The following KCNIP4 variants were observed in gnomAD, a reference collection of about 807,000 sequenced individuals.
KCNIP4 encodes the protein potassium voltage-gated channel interacting protein 4.
KCNIP4 carries 12 observed loss-of-function variants against 34.0 expected under a neutral mutation model. That is an observed-to-expected ratio of 0.35 (90% confidence interval 0.23 to 0.57). The LOEUF (loss-of-function observed/expected upper bound fraction) is 0.57. KCNIP4 is among the 20% of genes least tolerant of loss of function. The pLI, the probability that KCNIP4 is intolerant of heterozygous loss-of-function variation, is 0.83. For missense variants in KCNIP4, 238 were observed against 311.7 expected (o/e 0.76, Z 1.78); for synonymous variants, 124 against 102.2 (o/e 1.21, Z -1.29).
chr4:20,778,999 A>T (rs1374469743), intron 3 of KCNIP4, among the ~76,000 whole-genome samples: 2 of 152,138 alleles, frequency 1.3e-5, no homozygotes, highest in Admixed American at 1.3e-4. Flanking sequence ...AGAGACAGGG[A>T]GGAGGAGGAA....
chr4:21,654,248 C>T (rs1747740115), intron 1 of KCNIP4, among the ~76,000 whole-genome samples: 1 of 152,210 alleles, frequency 6.6e-6, no homozygotes, highest in South Asian at 2.1e-4. Flanking sequence ...ACACAGCCCT[C>T]AGAGTATCAT....
chr4:21,321,532 G>A (rs1714416074), intron 1 of KCNIP4, among the ~76,000 whole-genome samples: 1 of 151,968 alleles, frequency 6.6e-6, no homozygotes. Context: ...ATACGAAGAA[G>A]GCTTTTGGCA....
At chr4:21,737,514 T>C (rs896988930) in intron 1 of KCNIP4, among the ~76,000 whole-genome samples, 2 of 152,118 alleles carry the variant, frequency 1.3e-5, no homozygotes, top group Admixed American at 6.6e-5. Context: ...AAAAATGAGA[T>C]ACTAAAATAT....
chr4:21,504,688 A>T lies in KCNIP4; in HGVS notation c.61+443883T>A, dbSNP rs138076082. 2.4e-4 allele frequency among the ~76,000 whole-genome samples: 37 copies of T among 152,210 alleles called. 1 individual carries two copies. The East Asian group carries it at 5.6e-3, about 23-fold the overall frequency. ...CCAGGCTGAACCTTTCTAGCTTCTC[A>T]AGTTAGAATACAATGATTTGGGGTT... On this transcript the variant is annotated intron_variant, in intron 1 of 8. Coordinates refer to ENST00000382152, the MANE Select transcript of KCNIP4 (RefSeq NM_025221.6).
At chr4:20,916,161 A>G (rs113051739) in intron 1 of KCNIP4, among the ~76,000 whole-genome samples, 11 of 152,188 alleles carry the variant, frequency 7.2e-5, no homozygotes, top group African/African-American at 9.7e-5. Context: ...TCATACCACA[A>G]TCAGCTCTGT....
intron 1 of KCNIP4, among the ~76,000 whole-genome samples, chr4:21,217,113 T>C (rs1757643644): frequency 6.6e-6 from 1 of 152,146 alleles, no homozygotes; most frequent in African/African-American, 2.4e-5. Flanking sequence ...TCATTCAATA[T>C]ATGAGGAAAC....
At chr4:21,683,446 A>ATTTTTTTTTTTTTTTTTTTTTTTTTTTT (rs71191533) in intron 1 of KCNIP4, among the ~76,000 whole-genome samples, 4 of 46,554 alleles carry the variant, frequency 8.6e-5, no homozygotes, top group South Asian at 9.7e-4. Flanking sequence ...GTGAAGCCAG[A>ATTTTTTTTTTTTTTTTTTTTTTTTTTTT]TTTTTTTTTT....
intron 1 of KCNIP4, among the ~76,000 whole-genome samples, chr4:21,667,989 T>A (rs991255786): frequency 5.9e-5 from 9 of 152,150 alleles, no homozygotes; most frequent in African/African-American, 2.2e-4. Context: ...TCAATGCCTG[T>A]CAATAATAGA....
chr4:21,286,029 TG>T (rs1763102174), intron 1 of KCNIP4, among the ~76,000 whole-genome samples: 1 of 152,216 alleles, frequency 6.6e-6, no homozygotes, highest in Non-Finnish European at 1.5e-5. Context: ...TCAGAGCCTT[TG>T]TTCATCCATT....
chr4:20,886,146 A>C (rs1469680487), intron 1 of KCNIP4, among the ~76,000 whole-genome samples: 1 of 152,188 alleles, frequency 6.6e-6, no homozygotes, highest in Non-Finnish European at 1.5e-5. Flanking sequence ...ATGCTATACC[A>C]CTGTAAGGAA....
rs1288642999 is a variant in KCNIP4 at position 20,878,378 on chromosome 4, C to T, written c.163+4230G>A. ...CTAGGACACTCTCTCCAGACCTTCA[C>T]ATTACTGGCTTTCCTTTTATTTTAA... On this transcript the variant is annotated intron_variant, in intron 2 of 8. Transcript: ENST00000382152. 2.6e-5 allele frequency among the ~76,000 whole-genome samples: 4 copies of T among 152,186 alleles called. No homozygotes were observed. The East Asian group carries it at 5.8e-4, about 22-fold the overall frequency.
At chr4:21,134,761 T>G (rs181754599) in intron 1 of KCNIP4, among the ~76,000 whole-genome samples, 1 of 152,322 alleles carries the variant, frequency 6.6e-6, no homozygotes, top group Admixed American at 6.5e-5. Flanking sequence ...CACTATTCTA[T>G]CAATATAATC....
intron 2 of KCNIP4, among the ~76,000 whole-genome samples, chr4:20,881,871 G>GAA: frequency 6.6e-6 from 1 of 152,272 alleles, no homozygotes; most frequent in Non-Finnish European, 1.5e-5. Flanking sequence ...GAGGCTTCCT[G>GAA]AAGAAGAAAT....
At chr4:21,214,626 C>T (rs926648634) in intron 1 of KCNIP4, among the ~76,000 whole-genome samples, 1 of 152,096 alleles carries the variant, frequency 6.6e-6, no homozygotes, top group Admixed American at 6.6e-5. Flanking sequence ...GGACAAAAGG[C>T]CTTACCATTG....
intron 3 of KCNIP4, among the ~76,000 whole-genome samples, chr4:20,807,711 A>G (rs1309232628): frequency 6.6e-6 from 1 of 152,050 alleles, no homozygotes; most frequent in African/African-American, 2.4e-5. Context: ...AGCAGGGAAG[A>G]AAACACATTT....
At chr4:21,461,278 A>G (rs1227796831) in intron 1 of KCNIP4, among the ~76,000 whole-genome samples, 1 of 151,992 alleles carries the variant, frequency 6.6e-6, no homozygotes, top group African/African-American at 2.4e-5. Flanking sequence ...ACCTTCTGCC[A>G]TGATTGTAAG....
chr4:21,610,677 T>C (rs1448804958), intron 1 of KCNIP4, among the ~76,000 whole-genome samples: 2 of 152,126 alleles, frequency 1.3e-5, no homozygotes, highest in Non-Finnish European at 2.9e-5. Flanking sequence ...AATGAGTTTA[T>C]TCATACATTT....
chr4:20,842,140 CTGTCTTTTTT>C (rs1483062530), intron 3 of KCNIP4, among the ~76,000 whole-genome samples: 1 of 152,134 alleles, frequency 6.6e-6, no homozygotes. Flanking sequence ...GAAAAATTAC[CTGTCTTTTTT>C]TGTCAGTGTA....
intron 1 of KCNIP4, among the ~76,000 whole-genome samples, chr4:21,389,419 A>C (rs1393008384): frequency 1.3e-5 from 2 of 150,838 alleles, no homozygotes; most frequent in Non-Finnish European, 3.0e-5. Flanking sequence ...TGTCATTTAC[A>C]TTAGGTATAT....
Sources: allele counts gnomAD v4.1 joint callset (sites outside exome capture counted in the v4.1 genomes callset), GRCh38; gene constraint gnomAD v4.1.1; transcripts MANE v1.5; gene names NCBI Gene and HGNC (gene_info 2026-07-23, HGNC 2026-07-21).